TONSL: variants seen among roughly 807,000 people sequenced by gnomAD.
The protein encoded by TONSL is tonsoku like, DNA repair protein.
In TONSL, 112 loss-of-function variants were observed where a neutral mutation model predicts 147.1. The ratio of observed to expected loss-of-function variants is 0.76; its 90% CI spans 0.65 to 0.89. The LOEUF (loss-of-function observed/expected upper bound fraction) is 0.89, where lower values mean the gene tolerates loss of function less well. Ranked by LOEUF, TONSL falls within the 40% of genes least tolerant of loss-of-function variation. TONSL has a pLI of 0.00. For synonymous variants in TONSL, 868 were observed against 801.5 expected (o/e 1.08, Z -1.40); for missense variants, 1,883 against 1,864.6 (o/e 1.01, Z -0.18).
chr8:144,435,885 G>T lies in TONSL; in HGVS notation c.2548C>A (p.Pro850Thr). The part of the protein sequence containing the change: ...MPLTRSRRPR[P>T]RGTGDNRRPS... Reference sequence around the variant, plus strand: ...CTGCGGTTGTCTCCAGTGCCCCGGGGGCGGGGCCGGCGGCTGCGGGTCAGG... The same window carrying T: ...CTGCGGTTGTCTCCAGTGCCCCGGGTGCGGGGCCGGCGGCTGCGGGTCAGG... The change falls in exon 17 of 26, where the codon CCC becomes ACC. Residue 850 changes from proline (P) to threonine (T), a missense_variant. Coordinates refer to ENST00000409379, the MANE Select transcript of TONSL (RefSeq NM_013432.5). 6.3e-7 allele frequency: 1 copy of T among 1,598,902 alleles called. No homozygotes were observed.
rs747175296 is a variant in TONSL at position 144,434,841 on chromosome 8, A to G, written c.3055T>C (p.Tyr1019His). 5 of 1,613,500 alleles carry G rather than the reference A, an allele frequency of 3.1e-6. No individual in the cohort carries two copies. The highest frequency in any genetic ancestry group is 4.2e-6 in the Non-Finnish European group (5 of 1,179,956). Residue 1019 changes from tyrosine to histidine, a missense_variant, in exon 20 of 26, where the codon TAC becomes CAC. Tyr to His is a moderately conservative substitution (Grantham distance 83). Coordinates refer to ENST00000409379, the MANE Select transcript of TONSL (RefSeq NM_013432.5). ...CCCAGGCTCTGGCAGGCCCTGCGGT[A>G]GCGGTCAGTCAACGGGGGCAGGTCC... ...SWDLPPLTDR[Y>H]RRACQSLGQG...
Position 144,442,131 on chromosome 8 carries a change from G to A in TONSL, c.771C>T (p.Asp257=). 1 of 1,612,352 alleles carries A rather than the reference G, an allele frequency of 6.2e-7. No individual in the cohort carries two copies. Among genetic ancestry groups the A allele is most frequent in the Non-Finnish European group, 8.5e-7 (1 of 1,179,668 alleles). ...TCAGGGCTCGCTTGGCAGCCAAAAAGTCTCCCAGGTCTTGGAGGACCTGGA... is the reference window on the plus strand; with the variant it reads ...TCAGGGCTCGCTTGGCAGCCAAAAAATCTCCCAGGTCTTGGAGGACCTGGA... The part of the protein sequence containing the change: ...VIAQVLQDLG[D]FLAAKRALKK... Residue 257 remains aspartate, a synonymous_variant, in exon 7 of 26, where the codon GAC becomes GAT. Transcript: ENST00000409379.
intron 11 of TONSL, chr8:144,439,678 G>T: frequency 2.9e-6 from 1 of 342,380 alleles, no homozygotes; most frequent in Non-Finnish European, 5.3e-6. Flanking sequence ...CTGCTCTGAA[G>T]GGTTTCAGGA....
chr8:144,435,186 C>G lies in TONSL; in HGVS notation c.2853-16G>C. The G allele has an allele frequency of 6.7e-7, 1 of 1,501,798 alleles. No homozygotes were observed. Among genetic ancestry groups the G allele is most frequent in the Middle Eastern group, 2.4e-4 (1 of 4,138 alleles). The allele number at this position is 1,501,798 out of a possible 1,614,324, so 93.0% of individuals were successfully genotyped here. On this transcript the variant is annotated splice_polypyrimidine_tract_variant and intron_variant, in intron 18 of 25. Transcript: ENST00000409379. ...GGTGTCACTGCTGCAGGGACAGAGG[C>G]GCTGCTGCTGCTGCCTGCACACAGC...
In TONSL at chr8:144,442,388, T is replaced by G; in HGVS notation, c.603A>C (p.Leu201=). 6.4e-7 allele frequency: 1 copy of G among 1,562,152 alleles called. No individual in the cohort carries two copies. ...LAEQNHLYED[L]FRARYNLGTI... ...TGCCCAGGTTGTAGCGGGCGCGGAA[T>G]AGGTCCTCGTAAAGGTGGTTCTGCC... Residue 201 remains leucine (L), a synonymous_variant, in exon 6 of 26, where the codon CTA becomes CTC. Transcript: ENST00000409379.
chr8:144,429,002 G>A lies in TONSL; in HGVS notation c.*141C>T, dbSNP rs1823041543. 1.1e-6 allele frequency: 1 copy of A among 950,734 alleles called. No individual in the cohort carries two copies. Among genetic ancestry groups the A allele is most frequent in the Non-Finnish European group, 1.5e-6 (1 of 676,672 alleles). The allele number at this position is 950,734 out of a possible 1,614,324, so 58.9% of individuals were successfully genotyped here. On this transcript the variant is annotated 3_prime_UTR_variant, in exon 26 of 26. Transcript: ENST00000409379. Reference sequence around the variant, plus strand: ...GACGGGGTTTCACCATGTTAGCCAGGATGGTCTCGATCTCCTGACCTCGTG... The same window carrying A: ...GACGGGGTTTCACCATGTTAGCCAGAATGGTCTCGATCTCCTGACCTCGTG...
Position 144,434,148 on chromosome 8 carries a change from G to T in TONSL, c.3217C>A (p.Arg1073=), listed in dbSNP as rs782040610. Residue 1073 remains arginine (R), a synonymous_variant, in exon 21 of 26, where the codon CGG becomes AGG. Coordinates refer to ENST00000409379, the MANE Select transcript of TONSL (RefSeq NM_013432.5). ...CGGTTCCCTGCCAGGCGCAGCTCCC[G>T]GAGTGCTGTGTGCAGCTTGAGGGCC... The part of the protein sequence containing the change: ...LRALKLHTAL[R]ELRLAGNRLG... 7 of 1,611,158 alleles carry T rather than the reference G, an allele frequency of 4.3e-6. No individual in the cohort carries two copies. In the South Asian group the frequency reaches 7.7e-5, roughly 18 times the overall value.
rs371657984 is a variant in TONSL, at chr8:144,436,604, C to T, written c.1968G>A (p.Lys656=). The T allele has an allele frequency of 4.3e-6, 7 of 1,611,726 alleles. No homozygotes were observed. Among genetic ancestry groups the T allele is most frequent in the African/African-American group, 1.3e-5 (1 of 74,936 alleles). The change falls in exon 16 of 26, where the codon AAG becomes AAA. Residue 656 remains lysine (K), a synonymous_variant. Transcript: ENST00000409379. The stretch of plus-strand genomic sequence containing the variant: ...GGAGCAGCATCTCCATGGCCCTGGC[C>T]TTCTGCCGCGTCTCCAGGTCCAGGT... ...RRDLDLETRQ[K]ARAMEMLLQA...
In TONSL at chr8:144,434,113, G is replaced by T. The variant is rs782124780; in HGVS notation, c.3252C>A (p.Asp1084Glu). 1 of 1,612,044 alleles carries T rather than the reference G, an allele frequency of 6.2e-7. No individual in the cohort carries two copies. The highest frequency in any genetic ancestry group is 1.3e-5 in the African/African-American group (1 of 74,926). ...ELRLAGNRLG[D>E]KCVAELVAAL... ...CAGCCACCAGCTCAGCCACACACTT[G>T]TCCCCCAGCCGGTTCCCTGCCAGGC... The change falls in exon 21 of 26, where the codon GAC becomes GAA. Residue 1084 changes from aspartate (D) to glutamate (E), a missense_variant. Asp to Glu is a conservative substitution (Grantham distance 45). Transcript: ENST00000409379.
chr8:144,431,818 T>C (rs1350131197), intron 23 of TONSL, among the ~76,000 whole-genome samples: 4 of 138,152 alleles, frequency 2.9e-5, no homozygotes, highest in African/African-American at 1.1e-4. Flanking sequence ...CAGCCTGTTT[T>C]TTTCTTTTTC....
In TONSL at chr8:144,440,466, G is replaced by C; in HGVS notation, c.1175C>G (p.Thr392Ser). 1 of 1,598,628 alleles carries C rather than the reference G, an allele frequency of 6.3e-7. No individual in the cohort carries two copies. The highest frequency in any genetic ancestry group is 8.5e-7 in the Non-Finnish European group (1 of 1,170,322). Residue 392 changes from threonine (T) to serine (S), a missense_variant, in exon 10 of 26, where the codon ACC becomes AGC. Physicochemically the swap from Thr to Ser is moderately conservative, Grantham distance 58 (BLOSUM62 1). Coordinates refer to ENST00000409379, the MANE Select transcript of TONSL (RefSeq NM_013432.5). Reference sequence around the variant, plus strand: ...GCGGGACAGTGCAATGTTCAGCCAGGTCTTGGCCTCCTGGAGCAGGAGGAA... The same window carrying C: ...GCGGGACAGTGCAATGTTCAGCCAGCTCTTGGCCTCCTGGAGCAGGAGGAA... ...RSGNVLEEAK[T>S]WLNIALSREE...
intron 1 of TONSL, 26 bp from the exon 2 acceptor site, chr8:144,444,301 C>A: frequency 7.3e-7 from 1 of 1,364,758 alleles, no homozygotes. Flanking sequence ...GAGGGCTGGG[C>A]CTCCGCGGCG....
Position 144,441,038 on chromosome 8 carries a change from G to C in TONSL, c.939C>G (p.Ile313Met), listed in dbSNP as rs1176232787. ...AGAAGAGGTCCCCTAGCTGCTCACA[G>C]ATGACCATGGCACCCTGAGGGTCTC... ...EGRDPQGAMVICEQLGDLFSK... is the reference protein window; with the variant it reads ...EGRDPQGAMVMCEQLGDLFSK... The change falls in exon 8 of 26, where the codon ATC (isoleucine) becomes ATG (methionine). Residue 313 changes from isoleucine (I) to methionine (M), a missense_variant. Physicochemically the swap from Ile to Met is conservative, Grantham distance 10. Coordinates refer to ENST00000409379, the MANE Select transcript of TONSL (RefSeq NM_013432.5). 2 of 1,612,962 alleles carry C rather than the reference G, an allele frequency of 1.2e-6. No individual in the cohort carries two copies. Among genetic ancestry groups the C allele is most frequent in the Non-Finnish European group, 1.7e-6 (2 of 1,180,016 alleles).
rs200557916 is a variant in TONSL at position 144,434,122 on chromosome 8, C to A, written c.3243G>T (p.Arg1081=). 1.1e-5 allele frequency: 17 copies of A among 1,612,138 alleles called. 1 individual carries two copies. In the East Asian group the frequency reaches 2.5e-4, roughly 23 times the overall value. Residue 1081 remains arginine, a synonymous_variant, in exon 21 of 26, where the codon CGG becomes CGT. Coordinates refer to ENST00000409379, the MANE Select transcript of TONSL (RefSeq NM_013432.5). The part of the protein sequence containing the change: ...ALRELRLAGN[R]LGDKCVAELV... ...GCTCAGCCACACACTTGTCCCCCAG[C>A]CGGTTCCCTGCCAGGCGCAGCTCCC... is the stretch of plus-strand genomic sequence containing the variant.
At position 144,443,335 on chromosome 8, in the gene TONSL, G is replaced by T. The variant is rs1279985145; in HGVS notation, c.265-14C>A. ...CTGGTGCTGGTGCTGAGTGTGGAAG[G>T]AAGTCACTGCTGTGAGCCGACTCCG... is the stretch of plus-strand genomic sequence containing the variant. On this transcript the variant is annotated splice_polypyrimidine_tract_variant and intron_variant, in intron 3 of 25. Transcript: ENST00000409379. 5.2e-6 allele frequency: 8 copies of T among 1,544,306 alleles called. No homozygotes were observed. In the South Asian group the frequency reaches 9.5e-5, roughly 18 times the overall value.
At chr8:144,441,187 C>T (rs1823702555) in intron 7 of TONSL, 76 bp from the exon 8 acceptor site, 11 of 1,561,996 alleles carry the variant, frequency 7.0e-6, no homozygotes, top group South Asian at 3.5e-5. Flanking sequence ...AAGCTGTGAG[C>T]CCTGTGGTGG....
Position 144,434,055 on chromosome 8 carries a change from C to T in TONSL, c.3310G>A (p.Asp1104Asn). The change falls in exon 21 of 26, where the codon GAC becomes AAC. Residue 1104 changes from aspartate (D) to asparagine (N), a missense_variant. Transcript: ENST00000409379. ...GGACCCAGGTGATTGGAGGAGAGGT[C>T]AAGGAGGGCCAGGCTGGGCATGGTG... ...LGTMPSLALL[D>N]LSSNHLGPEG... 6.2e-7 allele frequency: 1 copy of T among 1,612,004 alleles called. No individual in the cohort carries two copies. The highest frequency in any genetic ancestry group is 1.1e-5 in the South Asian group (1 of 91,004).
Position 144,440,351 on chromosome 8 carries a change from C to G in TONSL, c.1290G>C (p.Gln430His), listed in dbSNP as rs770094484. Residue 430 changes from glutamine (Q) to histidine (H), a missense_variant and splice_region_variant, in exon 10 of 26, where the codon CAG becomes CAC. Gln to His is a conservative substitution (Grantham distance 24). Coordinates refer to ENST00000409379, the MANE Select transcript of TONSL (RefSeq NM_013432.5). ...CAQQAQRPQL[Q>H]RQVLQHLHTV... ...GTATGGGTGGGATGGGCTCTCGCAC[C>G]TGCAGCTGGGGACGCTGGGCCTGCT... The G allele has an allele frequency of 6.3e-7, 1 of 1,586,352 alleles. No homozygotes were observed. The highest frequency in any genetic ancestry group is 8.6e-7 in the Non-Finnish European group (1 of 1,162,830).
intron 20 of TONSL, 126 bp downstream of exon 20, chr8:144,434,685 C>T (rs1823359161): frequency 6.8e-6 from 7 of 1,035,132 alleles, no homozygotes; most frequent in Admixed American, 2.4e-5. Context: ...GACACAGCAC[C>T]CACCAGGCTG....
Sources: gnomAD v4.1 joint callset for allele counts (sites outside exome capture counted in the v4.1 genomes callset) on GRCh38, gnomAD v4.1.1 for gene constraint, MANE v1.5 for transcripts, NCBI Gene and HGNC (gene_info 2026-07-23, HGNC 2026-07-21) for gene names.